Variants in DGKB observed in about 807,000 individuals in gnomAD.
The protein encoded by DGKB is 90 kDa diacylglycerol kinase.
A neutral mutation model predicts 114.3 loss-of-function variants in DGKB; 67 were observed. The ratio of observed to expected loss-of-function variants is 0.59; its 90% confidence interval spans 0.48 to 0.72. The LOEUF is 0.72. Ranked by LOEUF, DGKB falls within the 30% of genes least tolerant of loss-of-function variation. The probability of loss-of-function intolerance (pLI) is 0.00; values close to 1 mark genes in which losing one functional copy is unlikely to be tolerated. For missense variants in DGKB, 907 were observed against 975.2 expected (o/e 0.93, Z 0.93); for synonymous variants, 398 against 323.1 (o/e 1.23, Z -2.49).
At chr7:14,245,809 TC>T (rs948789681) in intron 23 of DGKB, among the ~76,000 whole-genome samples, 1 of 152,058 alleles carries the variant, frequency 6.6e-6, no homozygotes, top group African/African-American at 2.4e-5. Context: ...GCGCCTGTAG[TC>T]CCAGCTACTC....
At chr7:14,538,551 C>A (rs1792911718) in intron 20 of DGKB, among the ~76,000 whole-genome samples, 1 of 151,914 alleles carries the variant, frequency 6.6e-6, no homozygotes, top group Non-Finnish European at 1.5e-5. Context: ...GAAAATGTTG[C>A]AGCCACTATG....
chr7:14,160,202 T>C (rs558068950), intron 25 of DGKB, among the ~76,000 whole-genome samples: 197 of 152,258 alleles, frequency 1.3e-3, no homozygotes, highest in African/African-American at 4.4e-3. Flanking sequence ...GCATTCCCTT[T>C]GAAAACTGGC....
intron 21 of DGKB, among the ~76,000 whole-genome samples, chr7:14,422,133 C>T (rs568797896): frequency 6.2e-4 from 94 of 152,138 alleles, no homozygotes; most frequent in African/African-American, 2.1e-3. Flanking sequence ...TTACCTTCTT[C>T]AGTTCCATTA....
At chr7:14,455,003 A>T (rs1832066316) in intron 21 of DGKB, among the ~76,000 whole-genome samples, 1 of 152,046 alleles carries the variant, frequency 6.6e-6, no homozygotes, top group Non-Finnish European at 1.5e-5. Flanking sequence ...CACAGATAGA[A>T]CCGAAGGTTT....
intron 21 of DGKB, among the ~76,000 whole-genome samples, chr7:14,457,571 A>C (rs983974598): frequency 3.3e-5 from 5 of 152,248 alleles, no homozygotes; most frequent in Admixed American, 2.0e-4. Flanking sequence ...AAATTATTTC[A>C]GACATTTTGC....
At chr7:14,256,761 T>C (rs1191404524) in intron 23 of DGKB, among the ~76,000 whole-genome samples, 2 of 152,116 alleles carry the variant, frequency 1.3e-5, no homozygotes, top group East Asian at 3.8e-4. Flanking sequence ...ACAAAATAAA[T>C]AGTAGCATCA....
intron 4 of DGKB, among the ~76,000 whole-genome samples, chr7:14,743,561 A>G (rs1832859540): frequency 1.3e-5 from 2 of 152,176 alleles, no homozygotes; most frequent in South Asian, 4.1e-4. Flanking sequence ...ATCTAGAAGA[A>G]GAGAGGTAAA....
intron 16 of DGKB, among the ~76,000 whole-genome samples, chr7:14,610,456 C>G (rs1315099641): frequency 6.6e-6 from 1 of 151,996 alleles, no homozygotes; most frequent in Admixed American, 6.6e-5. Context: ...GCATAATATA[C>G]TCATGTAACA....
intron 20 of DGKB, among the ~76,000 whole-genome samples, chr7:14,506,404 T>G (rs1299565295): frequency 6.6e-6 from 1 of 152,156 alleles, no homozygotes; most frequent in African/African-American, 2.4e-5. Flanking sequence ...AAAAATAGAC[T>G]ATGTAGCTAT....
intron 12 of DGKB, among the ~76,000 whole-genome samples, chr7:14,674,097 C>T (rs964051396): frequency 2.6e-5 from 4 of 152,006 alleles, no homozygotes; most frequent in African/African-American, 7.2e-5. Context: ...GGTATTTCTG[C>T]GGTCCTAGAA....
intron 1 of DGKB, among the ~76,000 whole-genome samples, chr7:14,945,991 G>A (rs190770281): frequency 4.5e-4 from 68 of 151,454 alleles, no homozygotes; most frequent in Non-Finnish European, 6.5e-4. Flanking sequence ...GAGATGCTGC[G>A]TAATTAAATA....
At chr7:14,517,814 G>C (rs1323585313) in intron 20 of DGKB, among the ~76,000 whole-genome samples, 1 of 152,010 alleles carries the variant, frequency 6.6e-6, no homozygotes, top group African/African-American at 2.4e-5. Context: ...AAAAGTAACA[G>C]ATGCTGGCGA....
chr7:14,895,010 GC>G, intron 1 of DGKB, among the ~76,000 whole-genome samples: 1 of 151,486 alleles, frequency 6.6e-6, no homozygotes. Context: ...CAACATGATA[GC>G]AAAATGACTC....
At chr7:14,162,073 C>T (rs1026825211) in intron 25 of DGKB, among the ~76,000 whole-genome samples, 3 of 152,088 alleles carry the variant, frequency 2.0e-5, no homozygotes, top group African/African-American at 7.2e-5. Context: ...CAGATTATTG[C>T]CTTTTAATGA....
chr7:14,326,922 C>T (rs1808844271), intron 23 of DGKB, among the ~76,000 whole-genome samples: 1 of 152,144 alleles, frequency 6.6e-6, no homozygotes, highest in Admixed American at 6.6e-5. Flanking sequence ...TGCACACACA[C>T]ATACACTCTC....
chr7:14,963,502 GAACA>G (rs1156509669), intron 1 of DGKB, among the ~76,000 whole-genome samples: 1 of 152,058 alleles, frequency 6.6e-6, no homozygotes, highest in African/African-American at 2.4e-5. Context: ...ATGGTAAGAT[GAACA>G]AATATTTGAG....
intron 3 of DGKB, among the ~76,000 whole-genome samples, chr7:14,755,623 C>A (rs1376981140): frequency 6.6e-6 from 1 of 151,972 alleles, no homozygotes; most frequent in African/African-American, 2.4e-5. Context: ...AGGAATTCTG[C>A]CATATTGTAA....
chr7:14,504,630 C>G (rs142004335), intron 20 of DGKB, among the ~76,000 whole-genome samples: 59 of 152,186 alleles, frequency 3.9e-4, no homozygotes, highest in African/African-American at 1.4e-3. Flanking sequence ...AATGAATGTT[C>G]TGAAGCAAGT....
chr7:14,884,657 C>T (rs569971005), intron 1 of DGKB, among the ~76,000 whole-genome samples: 1 of 151,990 alleles, frequency 6.6e-6, no homozygotes, highest in East Asian at 1.9e-4. Context: ...AAAATAAACC[C>T]TCATCTCAGG....
Sources: allele counts gnomAD v4.1 joint callset (sites outside exome capture counted in the v4.1 genomes callset), GRCh38; gene constraint gnomAD v4.1.1; transcripts MANE v1.5; gene names NCBI Gene and HGNC (gene_info 2026-07-23, HGNC 2026-07-21).